Variants in FCGR3B observed in about 807,000 individuals in gnomAD.
FCGR3B encodes the protein low affinity immunoglobulin gamma Fc region receptor III-B.
Under a neutral mutation model 26.7 loss-of-function variants are expected in FCGR3B, and 20 were observed. The observed-to-expected ratio is 0.75, with a 90% CI of 0.53 to 1.09. The LOEUF (loss-of-function observed/expected upper bound fraction) is 1.09, where lower values mean the gene tolerates loss of function less well. Among genes scored for constraint, FCGR3B ranks in the 50% least tolerant of loss-of-function variants. The pLI is 0.00. For missense variants in FCGR3B, 191 were observed against 279.7 expected (o/e 0.68, Z 2.26); for synonymous variants, 79 against 107.0 (o/e 0.74, Z 1.62).
chr1:161,631,193 C>T (rs189047104), upstream of FCGR3B: 2 of 1,594,926 alleles, frequency 1.3e-6, no homozygotes, highest in African/African-American at 1.4e-5. Flanking sequence ...TCCCCAGTCC[C>T]TCCACCCATC....
rs1030344181 is a variant in FCGR3B at position 161,627,351 on chromosome 1, T to A, written c.320-949A>T. On this transcript the variant is annotated intron_variant, in intron 3 of 4. Transcript: ENST00000650385. ...GTGGGACCAAAGGACATTTTAAATT[T>A]CTCCTGTTTACTTTTATATATTTTT... Among the ~76,000 whole-genome samples the A allele has an allele frequency of 3.3e-5, 5 of 150,194 alleles. 1 individual carries two copies. Among genetic ancestry groups the A allele is most frequent in the African/African-American group, 1.2e-4 (5 of 40,332 alleles).
Position 161,624,577 on chromosome 1 carries a change from C to T in FCGR3B, c.640G>A (p.Val214Met), listed in dbSNP as rs1473605807. The T allele has an allele frequency of 6.2e-7, 1 of 1,606,390 alleles. No individual in the cohort carries two copies. The highest frequency in any genetic ancestry group is 8.5e-7 in the Non-Finnish European group (1 of 1,176,630). The change falls in exon 5 of 5, where the codon GTG becomes ATG. Residue 214 changes from valine (V) to methionine (M), a missense_variant. Physicochemically the swap from Val to Met is conservative, Grantham distance 21. Coordinates refer to ENST00000650385, the MANE Select transcript of FCGR3B (RefSeq NM_001244753.2). ...TCCACTGCAAAAAGGAGTACCATCA[C>T]CAAGCAGAAAGAGACTTGGTACCCA... ...PPGYQVSFCL[V>M]MVLLFAVDTG...
intron 3 of FCGR3B, among the ~76,000 whole-genome samples, chr1:161,628,591 G>A (rs575132843): frequency 6.8e-6 from 1 of 148,048 alleles, no homozygotes; most frequent in East Asian, 2.0e-4. Context: ...TTGTAGCTCT[G>A]GAGAGTGAAG....
In FCGR3B at chr1:161,627,424, T is replaced by A. The variant is rs1046610364; in HGVS notation, c.320-1022A>T. 1.3e-5 allele frequency among the ~76,000 whole-genome samples: 2 copies of A among 150,316 alleles called. 1 individual carries two copies. Among genetic ancestry groups the A allele is most frequent in the Admixed American group, 1.3e-4 (2 of 15,038 alleles). On this transcript the variant is annotated intron_variant, in intron 3 of 4. Transcript: ENST00000650385. The stretch of plus-strand genomic sequence containing the variant: ...AGAGCAAAACTAAATTTACTGTAAT[T>A]TTATTTTTTAAATCTACATTCTCAG...
At chr1:161,631,912 G>C (rs1679763670), upstream of FCGR3B, 1 of 146,296 alleles carries the variant, frequency 6.8e-6, no homozygotes, top group Non-Finnish European at 1.5e-5. Context: ...AGGTCCTGCG[G>C]ATTTAGCTCA....
rs1679300181 is a variant in FCGR3B, at chr1:161,623,424, C to G, written c.*1091G>C. 1 of 150,498 alleles carries G rather than the reference C, an allele frequency of 6.6e-6. No homozygotes were observed. The highest frequency in any genetic ancestry group is 2.5e-5 in the African/African-American group (1 of 40,408). The allele number at this position is 150,498 out of a possible 1,614,324, so 9.3% of individuals were successfully genotyped here. ...AGTTTCACAGCGTAACTCAGTGAAG[C>G]TCAGTAGTACATTTAGTATTGGTTA... On this transcript the variant is annotated 3_prime_UTR_variant, in exon 5 of 5. Coordinates refer to ENST00000650385, the MANE Select transcript of FCGR3B (RefSeq NM_001244753.2).
chr1:161,628,941 T>A (rs567364838), intron 3 of FCGR3B, among the ~76,000 whole-genome samples: 4 of 130,718 alleles, frequency 3.1e-5, no homozygotes, highest in Admixed American at 2.5e-4. Context: ...TGAACATGTA[T>A]CTGCCTCTAT....
chr1:161,627,392 C>G (rs529143896), intron 3 of FCGR3B, among the ~76,000 whole-genome samples: 1 of 149,956 alleles, frequency 6.7e-6, no homozygotes, highest in East Asian at 1.9e-4. Flanking sequence ...TGACCCGAAA[C>G]GTAATAAGAG....
Position 161,626,345 on chromosome 1 carries a change from A to G in FCGR3B, c.377T>C (p.Leu126Pro), listed in dbSNP as rs1679463757. ...AGTGTTCTTCCAGCTGTGACACCTCAGGTGAATAGGGTCTTCCTCCTTGAA... is the reference window on the plus strand; with the variant it reads ...AGTGTTCTTCCAGCTGTGACACCTCGGGTGAATAGGGTCTTCCTCCTTGAA... ...WVFKEEDPIH[L>P]RCHSWKNTAL... The change falls in exon 4 of 5, where the codon CTG becomes CCG. Residue 126 changes from leucine to proline, a missense_variant. By Grantham distance (98) the Leu-to-Pro change is moderately conservative. Transcript: ENST00000650385. 6.2e-7 allele frequency: 1 copy of G among 1,608,466 alleles called. No homozygotes were observed. The highest frequency in any genetic ancestry group is 1.7e-5 in the Admixed American group (1 of 59,650).
At chr1:161,628,210 T>C (rs1352666185) in intron 3 of FCGR3B, among the ~76,000 whole-genome samples, 1 of 149,550 alleles carries the variant, frequency 6.7e-6, no homozygotes, top group Non-Finnish European at 1.5e-5. Flanking sequence ...GAGGTGGAGG[T>C]TGCAGTGAAC....
chr1:161,628,309 G>A (rs1367639934), intron 3 of FCGR3B, among the ~76,000 whole-genome samples: 3 of 149,684 alleles, frequency 2.0e-5, no homozygotes, highest in Non-Finnish European at 4.4e-5. Flanking sequence ...AAACAAAGAA[G>A]TAAAAAGTGC....
At position 161,624,145 on chromosome 1, in the gene FCGR3B, A is replaced by G. The variant is rs992925399; in HGVS notation, c.*370T>C. The G allele has an allele frequency of 2.5e-5, 5 of 203,782 alleles. No individual in the cohort carries two copies. Among genetic ancestry groups the G allele is most frequent in the Non-Finnish European group, 5.0e-5 (5 of 100,822 alleles). 12.6% of individuals were successfully genotyped at this position (203,782 alleles called of 1,614,324 possible). ...GCAATTTTTGTATGTTTAAAGGATT[A>G]CCATCCCTAGCCTGTATTGTTGCTT... On this transcript the variant is annotated 3_prime_UTR_variant, in exon 5 of 5. Transcript: ENST00000650385.
chr1:161,625,325 T>G (rs1679403348), intron 4 of FCGR3B, among the ~76,000 whole-genome samples: 1 of 138,434 alleles, frequency 7.2e-6, no homozygotes, highest in African/African-American at 2.8e-5. Context: ...GGCACACCAC[T>G]CTAGAGCTCT....
At chr1:161,630,516 T>G (rs1679689119) in intron 1 of FCGR3B, 128 bp from the exon 2 acceptor site, 1 of 810,400 alleles carries the variant, frequency 1.2e-6, no homozygotes, top group Non-Finnish European at 2.1e-6. Flanking sequence ...AGAATCAGGA[T>G]GTTTCTGGTG....
At chr1:161,627,999 C>A (rs567441881) in intron 3 of FCGR3B, among the ~76,000 whole-genome samples, 1 of 150,132 alleles carries the variant, frequency 6.7e-6, no homozygotes. Flanking sequence ...GCAGGCTGGG[C>A]GCGGTGGCTC....
intron 3 of FCGR3B, among the ~76,000 whole-genome samples, chr1:161,628,036 G>A (rs1416494636): frequency 6.7e-6 from 1 of 150,006 alleles, no homozygotes; most frequent in Non-Finnish European, 1.5e-5. Flanking sequence ...TACTTTGGGA[G>A]GCTGAAGTAG....
chr1:161,625,343 G>C (rs1212469802), intron 4 of FCGR3B, among the ~76,000 whole-genome samples: 2 of 138,542 alleles, frequency 1.4e-5, no homozygotes, highest in East Asian at 4.0e-4. Context: ...TCTGATTCTG[G>C]AGGCTGGTGC....
At chr1:161,624,822 G>C (rs1679382759) in intron 4 of FCGR3B, among the ~76,000 whole-genome samples, 183 bp from the exon 5 acceptor site, 1 of 148,386 alleles carries the variant, frequency 6.7e-6, no homozygotes, top group South Asian at 2.2e-4. Flanking sequence ...AGTGCTATCT[G>C]AGCAGAGGAC....
intron 1 of FCGR3B, chr1:161,630,791 C>G: frequency 1.4e-6 from 1 of 693,554 alleles, no homozygotes; most frequent in East Asian, 3.0e-5. Flanking sequence ...ACCATCTAGT[C>G]GAAGCTCTTT....
Sources: gnomAD v4.1 joint callset for allele counts (sites outside exome capture counted in the v4.1 genomes callset) on GRCh38, gnomAD v4.1.1 for gene constraint, MANE v1.5 for transcripts, NCBI Gene and HGNC (gene_info 2026-07-23, HGNC 2026-07-21) for gene names.